The following GLS variants were observed in gnomAD, a reference collection of about 807,000 sequenced individuals.
The protein encoded by GLS is glutaminase kidney isoform, mitochondrial.
Under a neutral mutation model 86.7 loss-of-function variants are expected in GLS, and 36 were observed. The observed-to-expected ratio is 0.42, with a 90% CI of 0.32 to 0.55. GLS has a LOEUF of 0.55. Among genes scored for constraint, GLS ranks in the 20% least tolerant of loss-of-function variants. The probability of loss-of-function intolerance (pLI) is 0.17; values close to 1 mark genes in which losing one functional copy is unlikely to be tolerated. For missense variants in GLS, 528 were observed against 833.4 expected, an observed-to-expected ratio of 0.63 and a Z score of 4.51; for synonymous variants, 317 against 305.9, an observed-to-expected ratio of 1.04 and a Z score of -0.38.
rs151196951 is a variant in GLS at position 190,949,641 on chromosome 2, G to A, written c.1651-3924G>A. Among the ~76,000 whole-genome samples the A allele has an allele frequency of 5.4e-3, 814 of 152,118 alleles. 9 individuals carry two copies. The highest frequency in any genetic ancestry group is 0.019 in the African/African-American group (769 of 41,470). The stretch of plus-strand genomic sequence containing the variant: ...CCGAGAGGCGAAGGTTGTATGAGCC[G>A]AGATCTTGCCACTGCACTCCAGCCT... On this transcript the variant is annotated intron_variant, in intron 14 of 17. Transcript: ENST00000320717. This position sits in a 1 kb window ranked among gnomAD's most constrained non-coding sequence, Gnocchi z 4.0.
Position 190,930,682 on chromosome 2 carries a change from T to G in GLS, c.1557+114T>G. ...AACTCTTGGCCCTCCGCCTATAGTG[T>G]GCCAGTTACTAGGGAGCCGTGGAAA... On this transcript the variant is annotated intron_variant, in intron 13 of 17. Transcript: ENST00000320717. The surrounding 1 kb of genome is among the most constrained non-coding windows in gnomAD (Gnocchi z 5.0). 1.1e-6 allele frequency: 1 copy of G among 898,848 alleles called. No homozygotes were observed. Among genetic ancestry groups the G allele is most frequent in the Admixed American group, 2.7e-5 (1 of 37,276 alleles). 55.7% of individuals were successfully genotyped at this position (898,848 alleles called of 1,614,324 possible).
At chr2:190,899,569 ATCTTAC>A (rs1263313161) in intron 3 of GLS, among the ~76,000 whole-genome samples, 1 of 152,160 alleles carries the variant, frequency 6.6e-6, no homozygotes, top group Non-Finnish European at 1.5e-5. Context: ...TACTGAGAGT[ATCTTAC>A]TCTTAAGATT....
rs758103656 is a variant in GLS, at chr2:190,881,448, G to A, written c.364G>A (p.Glu122Lys). 6.5e-7 allele frequency: 1 copy of A among 1,543,740 alleles called. No individual in the cohort carries two copies. Reference sequence around the variant, plus strand: ...CGCGTTTGGCAACAGCGAGGGCAAAGAGCTGGTGGCCTCAGGTGAAAAGTG... The same window carrying A: ...CGCGTTTGGCAACAGCGAGGGCAAAAAGCTGGTGGCCTCAGGTGAAAAGTG... The part of the protein sequence containing the change: ...TDAFGNSEGK[E>K]LVASGENKIK... The change falls in exon 1 of 18, where the codon GAG (glutamate) becomes AAG (lysine). Residue 122 changes from glutamate to lysine, a missense_variant. Coordinates refer to ENST00000320717, the MANE Select transcript of GLS (RefSeq NM_014905.5).
In GLS at chr2:190,905,913, A is replaced by C. The variant is rs1689117665; in HGVS notation, c.979+746A>C. ...TGAAGAAAGTGAGAGCGAAGTTTGT[A>C]GTAATGGCTGTGAGAGATACACTTT... On this transcript the variant is annotated intron_variant, in intron 6 of 17. Coordinates refer to ENST00000320717, the MANE Select transcript of GLS (RefSeq NM_014905.5). This position sits in a 1 kb window ranked among gnomAD's most constrained non-coding sequence, Gnocchi z 4.6. 1.3e-5 allele frequency among the ~76,000 whole-genome samples: 2 copies of C among 152,154 alleles called. No homozygotes were observed. Among genetic ancestry groups the C allele is most frequent in the Admixed American group, 1.3e-4 (2 of 15,284 alleles).
rs1285910402 is a variant in GLS at position 190,905,355 on chromosome 2, G to GT, written c.979+189dup. On this transcript the variant is annotated intron_variant, in intron 6 of 17. Coordinates refer to ENST00000320717, the MANE Select transcript of GLS (RefSeq NM_014905.5). This position sits in a 1 kb window ranked among gnomAD's most constrained non-coding sequence, Gnocchi z 4.6. ...TTTAGGCATCTCATACCACTGGGAA[G>GT]TGGGCTAGGGAGAACATGAACTTCT... 2 of 474,212 alleles carry GT rather than the reference G, an allele frequency of 4.2e-6. No individual in the cohort carries two copies. Among genetic ancestry groups the GT allele is most frequent in the Non-Finnish European group, 7.5e-6 (2 of 267,872 alleles). The allele number at this position is 474,212 out of a possible 1,614,324, so 29.4% of individuals were successfully genotyped here. A position where few individuals can be genotyped will look rare whatever the true frequency, so the allele number is the denominator to read the frequency against.
chr2:190,894,035 A>G (rs1489014458), intron 1 of GLS, among the ~76,000 whole-genome samples: 1 of 152,204 alleles, frequency 6.6e-6, no homozygotes. Context: ...TTGGTTAATC[A>G]TAGCATTTTA....
chr2:190,941,851 C>T (rs1002554333), intron 14 of GLS, among the ~76,000 whole-genome samples: 3 of 151,956 alleles, frequency 2.0e-5, no homozygotes, highest in Non-Finnish European at 4.4e-5. Context: ...CGATGTACAT[C>T]AGAATTGTTA....
In GLS at chr2:190,912,992, G is replaced by T. The variant is rs1689413964; in HGVS notation, c.1038+2671G>T. Among the ~76,000 whole-genome samples the T allele has an allele frequency of 2.0e-5, 3 of 152,026 alleles. No individual in the cohort carries two copies. The South Asian group carries it at 6.2e-4, about 32-fold the overall frequency. ...GGATATTTCACCATGGCTACTAGAGGTGAATTCTGTTTTTAGCTCTTTTAA... is the reference window on the plus strand; with the variant it reads ...GGATATTTCACCATGGCTACTAGAGTTGAATTCTGTTTTTAGCTCTTTTAA... On this transcript the variant is annotated intron_variant, in intron 7 of 17. Transcript: ENST00000320717.
chr2:190,881,511 G>C (rs895464953), intron 1 of GLS, 41 bp downstream of exon 1: 1 of 1,521,820 alleles, frequency 6.6e-7, no homozygotes, highest in Non-Finnish European at 8.8e-7. Flanking sequence ...CGTTCCTTTC[G>C]GGGCCCGGGC....
At chr2:190,922,865 A>C (rs944623046) in intron 9 of GLS, among the ~76,000 whole-genome samples, 1 of 152,138 alleles carries the variant, frequency 6.6e-6, no homozygotes, top group African/African-American at 2.4e-5. Context: ...CCGCAAATTA[A>C]ATCTGTCTAA....
chr2:190,920,687 A>T lies in GLS; in HGVS notation c.1039-337A>T, dbSNP rs1689701503. On this transcript the variant is annotated intron_variant, in intron 7 of 17. Transcript: ENST00000320717. The surrounding 1 kb of genome is among the most constrained non-coding windows in gnomAD (Gnocchi z 4.2). ...TATTTTAAGTTTTTTTAAATATAAG[A>T]TTAAATAAATAACACATTTTAGCAA... Among the ~76,000 whole-genome samples the T allele has an allele frequency of 6.6e-6, 1 of 151,758 alleles. No individual in the cohort carries two copies. Among genetic ancestry groups the T allele is most frequent in the Admixed American group, 6.6e-5 (1 of 15,246 alleles).
Position 190,881,324 on chromosome 2 carries a change from G to C in GLS, c.240G>C (p.Leu80Phe). ...TGTCCAGCTCTCCTTCGGAGATCTT[G>C]CAGGAGCTGGGCAAGGGGAGCACGC... is the stretch of plus-strand genomic sequence containing the variant. Reference protein sequence around the residue: ...RGLSSSPSEILQELGKGSTHP... With the variant: ...RGLSSSPSEIFQELGKGSTHP... Residue 80 changes from leucine (L) to phenylalanine (F), a missense_variant, in exon 1 of 18, where the codon TTG (leucine) becomes TTC (phenylalanine). This residue lies in a region of GLS where 224 missense variants were observed against 187.9 expected (regional missense o/e 1.19). Coordinates refer to ENST00000320717, the MANE Select transcript of GLS (RefSeq NM_014905.5). The C allele has an allele frequency of 6.6e-7, 1 of 1,522,864 alleles. No individual in the cohort carries two copies. The highest frequency in any genetic ancestry group is 8.8e-7 in the Non-Finnish European group (1 of 1,135,602). The allele number at this position is 1,522,864 out of a possible 1,614,324, so 94.3% of individuals were successfully genotyped here.
chr2:190,957,125 C>T (rs1462989132), intron 17 of GLS, among the ~76,000 whole-genome samples: 1 of 152,210 alleles, frequency 6.6e-6, no homozygotes, highest in Non-Finnish European at 1.5e-5. Context: ...GAGTCTCGCT[C>T]TGTCAGCCAG....
At chr2:190,944,888 T>C (rs1431991697) in intron 14 of GLS, among the ~76,000 whole-genome samples, 7 of 152,250 alleles carry the variant, frequency 4.6e-5, no homozygotes, top group Non-Finnish European at 8.8e-5. Context: ...TGTTCTTTTA[T>C]TTTCCCTTCA....
intron 3 of GLS, 105 bp from the exon 4 acceptor site, chr2:190,900,459 T>A (rs1688899602): frequency 3.9e-6 from 2 of 512,006 alleles, no homozygotes; most frequent in Admixed American, 3.5e-5. Context: ...TATAAAATGA[T>A]AAATTTATCT....
At chr2:190,915,112 T>C (rs1489216963) in intron 7 of GLS, among the ~76,000 whole-genome samples, 1 of 151,574 alleles carries the variant, frequency 6.6e-6, no homozygotes, top group Non-Finnish European at 1.5e-5. Flanking sequence ...TGCCTCAGCC[T>C]CCCGAGTAGC....
At position 190,880,972 on chromosome 2, in the gene GLS, T is replaced by A; in HGVS notation, c.-113T>A. The A allele has an allele frequency of 1.6e-6, 2 of 1,256,342 alleles. No homozygotes were observed. The highest frequency in any genetic ancestry group is 2.2e-6 in the Non-Finnish European group (2 of 903,600). The allele number at this position is 1,256,342 out of a possible 1,614,324, so 77.8% of individuals were successfully genotyped here. ...CGGAACCACACCCAAGTAGCTGCCC[T>A]TTCCTCTTCTGTCATCTCACCGCCC... is the stretch of plus-strand genomic sequence containing the variant. On this transcript the variant is annotated 5_prime_UTR_variant, in exon 1 of 18. Coordinates refer to ENST00000320717, the MANE Select transcript of GLS (RefSeq NM_014905.5).
chr2:190,928,052 A>G (rs1689957990), intron 12 of GLS, among the ~76,000 whole-genome samples: 1 of 152,052 alleles, frequency 6.6e-6, no homozygotes, highest in Non-Finnish European at 1.5e-5. Flanking sequence ...AGAGAGAGAG[A>G]GATACATTTA....
At chr2:190,929,009 A>C (rs1046767496) in intron 12 of GLS, among the ~76,000 whole-genome samples, 1 of 148,808 alleles carries the variant, frequency 6.7e-6, no homozygotes, top group Non-Finnish European at 1.5e-5. Flanking sequence ...ATTTTGAGAC[A>C]GAGTCTCACT....
Sources: allele counts gnomAD v4.1 joint callset (sites outside exome capture counted in the v4.1 genomes callset), GRCh38; gene constraint gnomAD v4.1.1; regional missense constraint gnomAD v4.1.1; non-coding constraint Gnocchi (gnomAD v3.1); transcripts MANE v1.5; gene names NCBI Gene and HGNC (gene_info 2026-07-23, HGNC 2026-07-21).